SNTB1: variants seen among roughly 807,000 people sequenced by gnomAD.
The protein encoded by SNTB1 is syntrophin beta 1.
A neutral mutation model predicts 48.9 loss-of-function variants in SNTB1; 36 were observed. That is an observed-to-expected ratio of 0.74 (90% CI 0.56 to 0.97). The LOEUF is 0.97. SNTB1 is among the 50% of genes least tolerant of loss of function. The pLI is 0.00. For missense variants in SNTB1, 786 were observed against 703.4 expected, an observed-to-expected ratio of 1.12 and a Z score of -1.33; for synonymous variants, 299 against 294.6, an observed-to-expected ratio of 1.01 and a Z score of -0.15.
intron 2 of SNTB1, among the ~76,000 whole-genome samples, chr8:120,650,464 C>T (rs988559072): frequency 6.6e-6 from 1 of 152,008 alleles, no homozygotes; most frequent in Non-Finnish European, 1.5e-5. Context: ...TACCTTCCCC[C>T]TTTTTTTCCC....
Position 120,602,996 on chromosome 8 carries a change from TA to T in SNTB1, c.997-27772del, listed in dbSNP as rs1285950694. Among the ~76,000 whole-genome samples the T allele has an allele frequency of 7.2e-5, 11 of 152,200 alleles. No individual in the cohort carries two copies. In the South Asian group the frequency reaches 2.3e-3, roughly 32 times the overall value. On this transcript the variant is annotated intron_variant, in intron 3 of 6. Transcript: ENST00000517992. The stretch of plus-strand genomic sequence containing the variant: ...TTATATACCACCATATTATCTCATT[TA>T]AAATGTACAATTCAATTATTCTCAG...
chr8:120,617,983 G>GTA lies in SNTB1; in HGVS notation c.996+14459_996+14460dup, dbSNP rs936318820. Reference sequence around the variant, plus strand: ...GAAAGGCAGTATCACCTGAATATATGTATATATATATATATTTAGTGCTCT... The same window carrying GTA: ...GAAAGGCAGTATCACCTGAATATATGTATATATATATATATATTTAGTGCTCT... On this transcript the variant is annotated intron_variant, in intron 3 of 6. Coordinates refer to ENST00000517992, the MANE Select transcript of SNTB1 (RefSeq NM_021021.4). 2.8e-3 allele frequency among the ~76,000 whole-genome samples: 427 copies of GTA among 150,822 alleles called. 1 individual carries two copies. The highest frequency in any genetic ancestry group is 8.6e-3 in the African/African-American group (354 of 41,210).
At chr8:120,726,313 A>G (rs995569105) in intron 1 of SNTB1, among the ~76,000 whole-genome samples, 2 of 152,180 alleles carry the variant, frequency 1.3e-5, no homozygotes, top group Admixed American at 1.3e-4. Flanking sequence ...TCTCAGAGAC[A>G]TTGCTGACTG....
intron 4 of SNTB1, among the ~76,000 whole-genome samples, chr8:120,562,238 T>C (rs1025131756): frequency 6.6e-6 from 1 of 152,208 alleles, no homozygotes; most frequent in Admixed American, 6.5e-5. Flanking sequence ...ATCAGTCCTA[T>C]CAATCACTGT....
chr8:120,609,568 G>A (rs1816585780), intron 3 of SNTB1, among the ~76,000 whole-genome samples: 1 of 152,252 alleles, frequency 6.6e-6, no homozygotes, highest in Admixed American at 6.5e-5. Flanking sequence ...TATCTTTGGG[G>A]AGCGCTGCCA....
intron 2 of SNTB1, among the ~76,000 whole-genome samples, chr8:120,680,613 C>T (rs897385043): frequency 6.6e-6 from 1 of 152,162 alleles, no homozygotes; most frequent in African/African-American, 2.4e-5. Flanking sequence ...GTGATGCCCC[C>T]ATTTCCACTG....
chr8:120,607,283 G>A (rs997557002), intron 3 of SNTB1, among the ~76,000 whole-genome samples: 2 of 152,170 alleles, frequency 1.3e-5, no homozygotes, highest in African/African-American at 4.8e-5. Flanking sequence ...TCCAGTTATT[G>A]AGAGGGAATA....
intron 1 of SNTB1, among the ~76,000 whole-genome samples, chr8:120,752,828 G>A (rs1298260196): frequency 1.3e-5 from 2 of 152,106 alleles, no homozygotes; most frequent in Admixed American, 6.6e-5. Context: ...CTTGAGGATG[G>A]AGGGTGGGAG....
chr8:120,811,933 G>A lies in SNTB1; in HGVS notation c.-90C>T. 7.8e-7 allele frequency: 1 copy of A among 1,279,604 alleles called. No homozygotes were observed. Among genetic ancestry groups the A allele is most frequent in the Non-Finnish European group, 9.8e-7 (1 of 1,017,612 alleles). The allele number at this position is 1,279,604 out of a possible 1,614,324, so 79.3% of individuals were successfully genotyped here. On this transcript the variant is annotated 5_prime_UTR_variant, in exon 1 of 7. Coordinates refer to ENST00000517992, the MANE Select transcript of SNTB1 (RefSeq NM_021021.4). ...GGGGGAGGACGCGGGGCCCGGGGGA[G>A]CGAGGAGAGTGCGTCCCGCGGGGAG...
intron 1 of SNTB1, among the ~76,000 whole-genome samples, chr8:120,711,329 TA>T (rs11308218): frequency 0.33 from 50,759 of 151,888 alleles, 9,814 homozygotes; most frequent in East Asian, 0.69. Context: ...AAAAAATCAT[TA>T]AAAAAAATCT....
chr8:120,649,832 AG>A (rs1307294555), intron 2 of SNTB1, among the ~76,000 whole-genome samples: 1 of 152,070 alleles, frequency 6.6e-6, no homozygotes, highest in African/African-American at 2.4e-5. Context: ...CCGTGGGCGT[AG>A]GACCCTCTGA....
At chr8:120,775,317 C>T (rs1819712841) in intron 1 of SNTB1, 1 of 152,142 alleles carries the variant, frequency 6.6e-6, no homozygotes, top group African/African-American at 2.4e-5. Context: ...ATACTAACCA[C>T]ATCCTGGTGA....
At chr8:120,558,190 T>C (rs1815598032) in intron 4 of SNTB1, among the ~76,000 whole-genome samples, 2 of 152,246 alleles carry the variant, frequency 1.3e-5, no homozygotes, top group African/African-American at 4.8e-5. Flanking sequence ...AAATTGCTAT[T>C]ATTTATATTT....
At chr8:120,603,091 G>A (rs1166620923) in intron 3 of SNTB1, among the ~76,000 whole-genome samples, 2 of 149,686 alleles carry the variant, frequency 1.3e-5, no homozygotes, top group South Asian at 4.3e-4. Context: ...CCTCAAAAAA[G>A]TCTCTAGATT....
chr8:120,712,127 T>C (rs1272059668), intron 1 of SNTB1, among the ~76,000 whole-genome samples: 2 of 152,138 alleles, frequency 1.3e-5, no homozygotes, highest in African/African-American at 4.8e-5. Context: ...TAGAAATATA[T>C]GACAGGCCCG....
intron 3 of SNTB1, among the ~76,000 whole-genome samples, chr8:120,593,926 G>A (rs1182047901): frequency 6.6e-6 from 1 of 152,166 alleles, no homozygotes; most frequent in African/African-American, 2.4e-5. Context: ...GCAGGGGAGA[G>A]AGGAGGGACT....
chr8:120,579,193 CAA>C, intron 3 of SNTB1, among the ~76,000 whole-genome samples: 1 of 151,650 alleles, frequency 6.6e-6, no homozygotes, highest in South Asian at 2.1e-4. Context: ...AACAAACAAA[CAA>C]ACAAACAAAC....
chr8:120,645,341 T>G (rs1183810229), intron 2 of SNTB1, among the ~76,000 whole-genome samples: 2 of 149,412 alleles, frequency 1.3e-5, no homozygotes, highest in African/African-American at 4.9e-5. Context: ...GATTTTTGTA[T>G]AAGGTGTAAG....
intron 1 of SNTB1, among the ~76,000 whole-genome samples, chr8:120,802,661 C>G (rs1376364065): frequency 6.6e-6 from 1 of 152,054 alleles, no homozygotes; most frequent in Non-Finnish European, 1.5e-5. Context: ...TGATTAAAGC[C>G]TGTAACTGAT....
Sources: gnomAD v4.1 joint callset for allele counts (sites outside exome capture counted in the v4.1 genomes callset) on GRCh38, gnomAD v4.1.1 for gene constraint, MANE v1.5 for transcripts, NCBI Gene and HGNC (gene_info 2026-07-23, HGNC 2026-07-21) for gene names.